Variants in RAD51AP1 observed in about 807,000 individuals in gnomAD.
The protein encoded by RAD51AP1 is RAD51 associated protein 1.
A neutral mutation model predicts 34.3 loss-of-function variants in RAD51AP1; 14 were observed. The ratio of observed to expected loss-of-function variants is 0.41; its 90% CI spans 0.27 to 0.64. The LOEUF (loss-of-function observed/expected upper bound fraction) is 0.64, where lower values mean the gene tolerates loss of function less well. Among genes scored for constraint, RAD51AP1 ranks in the 30% least tolerant of loss-of-function variants. The pLI is 0.33. For missense variants in RAD51AP1, 348 were observed against 386.9 expected, an observed-to-expected ratio of 0.90 and a Z score of 0.84; for synonymous variants, 114 against 129.8, an observed-to-expected ratio of 0.88 and a Z score of 0.83.
At position 4,548,830 on chromosome 12, in the gene RAD51AP1, G is replaced by A. The variant is rs200919420; in HGVS notation, c.550G>A (p.Ala184Thr). The change falls in exon 6 of 9, where the codon GCA (alanine) becomes ACA (threonine). Residue 184 changes from alanine (A) to threonine (T), a missense_variant. Physicochemically the swap from Ala to Thr is moderately conservative, Grantham distance 58. Transcript: ENST00000352618. ...DSANDTEPDF[A>T]PGEDSEDDSD... ...TGCTAATGACACTGAACCAGACTTT[G>A]CACCTGGTAGGTTTTATTCTACTTC... The A allele has an allele frequency of 2.6e-5, 42 of 1,610,284 alleles. No individual in the cohort carries two copies. The highest frequency in any genetic ancestry group is 3.5e-5 in the Non-Finnish European group (41 of 1,179,084).
At chr12:4,558,810 A>T in intron 8 of RAD51AP1, 47 bp from the exon 9 acceptor site, 2 of 1,592,032 alleles carry the variant, frequency 1.3e-6, no homozygotes, top group Non-Finnish European at 1.7e-6. Context: ...AATCTTTGTT[A>T]AGAGATTTCT....
chr12:4,555,661 C>G (rs1398143128), intron 7 of RAD51AP1, among the ~76,000 whole-genome samples: 2 of 152,194 alleles, frequency 1.3e-5, no homozygotes, highest in Non-Finnish European at 2.9e-5. Context: ...CATCCTCCAT[C>G]TTTGCACACT....
In RAD51AP1 at chr12:4,559,368, C is replaced by G. The variant is rs1475648432; in HGVS notation, c.*375C>G. On this transcript the variant is annotated 3_prime_UTR_variant, in exon 9 of 9. Transcript: ENST00000352618. Reference sequence around the variant, plus strand: ...GTTTTATCTGGCAGAGGAAAACATTCTTATTTCTTTCAGAAGACATTTCTG... The same window carrying G: ...GTTTTATCTGGCAGAGGAAAACATTGTTATTTCTTTCAGAAGACATTTCTG... 1 of 157,324 alleles carries G rather than the reference C, an allele frequency of 6.4e-6. No individual in the cohort carries two copies. Among genetic ancestry groups the G allele is most frequent in the Non-Finnish European group, 1.4e-5 (1 of 71,726 alleles). 9.7% of individuals were successfully genotyped at this position (157,324 alleles called of 1,614,324 possible).
chr12:4,548,917 A>T, intron 6 of RAD51AP1, 81 bp downstream of exon 6: 1 of 1,465,392 alleles, frequency 6.8e-7, no homozygotes. Flanking sequence ...TGTGCAAAGC[A>T]CTGTGTTAAA....
At position 4,545,589 on chromosome 12, in the gene RAD51AP1, T is replaced by C. The variant is rs575190611; in HGVS notation, c.210-720T>C. 3.0e-4 allele frequency among the ~76,000 whole-genome samples: 46 copies of C among 152,268 alleles called. 1 individual carries two copies. Among genetic ancestry groups the C allele is most frequent in the Admixed American group, 1.3e-3 (20 of 15,300 alleles). Reference sequence around the variant, plus strand: ...TTATATCTTAAGAAAACTGTTATTCTAAAAAAATAAATTCTTTAAGGTACA... The same window carrying C: ...TTATATCTTAAGAAAACTGTTATTCCAAAAAAATAAATTCTTTAAGGTACA... On this transcript the variant is annotated intron_variant, in intron 3 of 8. Coordinates refer to ENST00000352618, the MANE Select transcript of RAD51AP1 (RefSeq NM_006479.5).
chr12:4,550,498 T>G (rs1322568686), intron 6 of RAD51AP1: 2 of 152,292 alleles, frequency 1.3e-5, no homozygotes, highest in African/African-American at 4.8e-5. Flanking sequence ...TGGGACCTGC[T>G]GGCCTTTCTG....
rs1218510255 is a variant in RAD51AP1 at position 4,543,838 on chromosome 12, C to G, written c.143C>G (p.Pro48Arg). Residue 48 changes from proline to arginine, a missense_variant, in exon 3 of 9, where the codon CCA becomes CGA. By Grantham distance (103) the Pro-to-Arg change is moderately radical. Transcript: ENST00000352618. ...TAPKELKQDK[P>R]KPNLNNLRKE... The stretch of plus-strand genomic sequence containing the variant: ...CCAAAGGAGTTAAAACAAGATAAAC[C>G]AAAACCTAACTTGAACAATCTCCGG... 1.9e-6 allele frequency: 3 copies of G among 1,611,890 alleles called. No homozygotes were observed. The highest frequency in any genetic ancestry group is 2.5e-6 in the Non-Finnish European group (3 of 1,178,578).
chr12:4,548,078 T>C lies in RAD51AP1; in HGVS notation c.320-14T>C. 3.8e-6 allele frequency: 6 copies of C among 1,577,902 alleles called. No individual in the cohort carries two copies. Among genetic ancestry groups the C allele is most frequent in the Non-Finnish European group, 4.3e-6 (5 of 1,168,034 alleles). ...AGATATATCTGAATTTTCTTTCTTA[T>C]TCCTTATATTTAGGCATTGAAAAAC... On this transcript the variant is annotated splice_polypyrimidine_tract_variant and intron_variant, in intron 4 of 8. Coordinates refer to ENST00000352618, the MANE Select transcript of RAD51AP1 (RefSeq NM_006479.5).
chr12:4,540,510 G>A (rs78277909), intron 1 of RAD51AP1, among the ~76,000 whole-genome samples: 11,300 of 149,416 alleles, frequency 0.076, 560 homozygotes, highest in Middle Eastern at 0.11. Context: ...GCACTAAATT[G>A]TACTACTAGT....
At chr12:4,541,001 A>G (rs1432444963) in intron 1 of RAD51AP1, among the ~76,000 whole-genome samples, 1 of 152,204 alleles carries the variant, frequency 6.6e-6, no homozygotes, top group Non-Finnish European at 1.5e-5. Flanking sequence ...AAAACTAGAA[A>G]AACATTTTAT....
intron 1 of RAD51AP1, among the ~76,000 whole-genome samples, chr12:4,539,978 G>A (rs1180709040): frequency 6.6e-6 from 1 of 152,122 alleles, no homozygotes; most frequent in Admixed American, 6.5e-5. Context: ...AACGGGAGCA[G>A]GAAAATCAGG....
Position 4,548,772 on chromosome 12 carries a change from G to A in RAD51AP1, c.492G>A (p.Arg164=), listed in dbSNP as rs760818542. The part of the protein sequence containing the change: ...KAASKAAAQQ[R]KILLEGSDGD... ...CATCTAAAGCTGCAGCACAGCAGAG[G>A]AAGATTCTTCTGGAAGGCAGTGATG... The change falls in exon 6 of 9, where the codon AGG becomes AGA. Residue 164 remains arginine (R), a synonymous_variant. Coordinates refer to ENST00000352618, the MANE Select transcript of RAD51AP1 (RefSeq NM_006479.5). 25 of 1,613,994 alleles carry A rather than the reference G, an allele frequency of 1.5e-5. No homozygotes were observed. Among genetic ancestry groups the A allele is most frequent in the Middle Eastern group, 1.6e-4 (1 of 6,078 alleles).
chr12:4,555,160 G>T (rs1417646236), intron 7 of RAD51AP1, among the ~76,000 whole-genome samples: 3 of 151,944 alleles, frequency 2.0e-5, no homozygotes, highest in African/African-American at 7.3e-5. Flanking sequence ...TGAACTTAAT[G>T]CCACCTCTCC....
At chr12:4,551,218 G>C (rs536630572) in intron 6 of RAD51AP1, among the ~76,000 whole-genome samples, 1 of 151,986 alleles carries the variant, frequency 6.6e-6, no homozygotes, top group South Asian at 2.1e-4. Flanking sequence ...GAATATGGCC[G>C]GGCACAGTGG....
rs1944469047 is a variant in RAD51AP1, at chr12:4,541,881, T to A, written c.18-3T>A. 6 of 1,485,368 alleles carry A rather than the reference T, an allele frequency of 4.0e-6. No individual in the cohort carries two copies. The highest frequency in any genetic ancestry group is 1.4e-5 in the African/African-American group (1 of 70,906). 92.0% of individuals were successfully genotyped at this position (1,485,368 alleles called of 1,614,324 possible). The stretch of plus-strand genomic sequence containing the variant: ...TAATGAAAAAATTCTGTTTTGGTCA[T>A]AGACATAAGAAACCAGTCAATTACT... On this transcript the variant is annotated splice_region_variant and splice_polypyrimidine_tract_variant and intron_variant, in intron 1 of 8. Coordinates refer to ENST00000352618, the MANE Select transcript of RAD51AP1 (RefSeq NM_006479.5).
At chr12:4,545,938 G>C in intron 3 of RAD51AP1, 1 of 1,332,994 alleles carries the variant, frequency 7.5e-7, no homozygotes, top group Non-Finnish European at 1.0e-6. Flanking sequence ...TCTGCTAAAG[G>C]GGAGTGGGTG....
At chr12:4,553,249 A>G in intron 7 of RAD51AP1, 102 bp downstream of exon 7, 1 of 1,039,668 alleles carries the variant, frequency 9.6e-7, no homozygotes, top group Non-Finnish European at 1.3e-6. Flanking sequence ...CATTTTCCTA[A>G]CGTCCATTTC....
At chr12:4,552,011 A>T (rs2137278360) in intron 6 of RAD51AP1, among the ~76,000 whole-genome samples, 1 of 152,274 alleles carries the variant, frequency 6.6e-6, no homozygotes, top group East Asian at 1.9e-4. Flanking sequence ...AATAGTGGTT[A>T]TCTCTGAGTG....
At chr12:4,540,308 G>A (rs1330852992) in intron 1 of RAD51AP1, among the ~76,000 whole-genome samples, 1 of 152,152 alleles carries the variant, frequency 6.6e-6, no homozygotes, top group Non-Finnish European at 1.5e-5. Context: ...TAATCCCTTT[G>A]TAAGGAACAG....
Sources: gnomAD v4.1 joint callset for allele counts (sites outside exome capture counted in the v4.1 genomes callset) on GRCh38, gnomAD v4.1.1 for gene constraint, MANE v1.5 for transcripts, NCBI Gene and HGNC (gene_info 2026-07-23, HGNC 2026-07-21) for gene names.